TMEM45B: variants seen among roughly 807,000 people sequenced by gnomAD.
The protein encoded by TMEM45B is transmembrane protein 45B.
TMEM45B carries 29 observed loss-of-function variants against 27.3 expected under a neutral mutation model. That is an observed-to-expected ratio of 1.06 (90% CI 0.79 to 1.45). The LOEUF is 1.45. Among genes scored for constraint, TMEM45B ranks in the 40% most tolerant of loss-of-function variants. The probability of loss-of-function intolerance (pLI) is 0.00; values close to 1 mark genes in which losing one functional copy is unlikely to be tolerated. For synonymous variants in TMEM45B, 143 were observed against 134.7 expected, an observed-to-expected ratio of 1.06 and a Z score of -0.43; for missense variants, 348 against 343.9, an observed-to-expected ratio of 1.01 and a Z score of -0.09.
chr11:129,824,578 T>C (rs4937463), intron 1 of TMEM45B, among the ~76,000 whole-genome samples: 48,932 of 151,978 alleles, frequency 0.32, 7,977 homozygotes, highest in South Asian at 0.35. Context: ...AATGGCTAGA[T>C]TTAGGAGATG....
chr11:129,855,064 CAGG>C (rs1423802053), intron 3 of TMEM45B, among the ~76,000 whole-genome samples: 1 of 152,216 alleles, frequency 6.6e-6, no homozygotes, highest in Non-Finnish European at 1.5e-5. Context: ...GCTAACACTG[CAGG>C]AGTCCTCCTC....
Position 129,858,674 on chromosome 11 carries a change from G to A in TMEM45B, c.817G>A (p.Asp273Asn). Residue 273 changes from aspartate to asparagine, a missense_variant, in exon 6 of 6, where the codon GAT becomes AAT. Coordinates refer to ENST00000281441, the MANE Select transcript of TMEM45B (RefSeq NM_138788.5). The stretch of plus-strand genomic sequence containing the variant: ...CCAGACCGCCCTCTTGAGTGGCTCA[G>A]ATGAGGAATGAGCCGAGATGCGGAG... ...TYQTALLSGS[D>N]EE is the part of the protein sequence containing the mutation. The A allele has an allele frequency of 6.4e-7, 1 of 1,560,168 alleles. No homozygotes were observed. The highest frequency in any genetic ancestry group is 1.4e-5 in the African/African-American group (1 of 74,022).
chr11:129,856,279 T>C (rs1011825461), intron 4 of TMEM45B, among the ~76,000 whole-genome samples: 4 of 152,180 alleles, frequency 2.6e-5, no homozygotes, highest in Non-Finnish European at 4.4e-5. Flanking sequence ...TGGCGCAATC[T>C]TGGCTGACTG....
At chr11:129,838,209 G>T (rs1419556651) in intron 1 of TMEM45B, among the ~76,000 whole-genome samples, 1 of 152,072 alleles carries the variant, frequency 6.6e-6, no homozygotes, top group African/African-American at 2.4e-5. Flanking sequence ...AGCAGGCCTG[G>T]GTGAGAGCAG....
chr11:129,855,447 A>T (rs766260134), intron 3 of TMEM45B, among the ~76,000 whole-genome samples: 3 of 152,214 alleles, frequency 2.0e-5, no homozygotes, highest in Non-Finnish European at 4.4e-5. Context: ...AGTCTGTTAC[A>T]AATCAGCAAC....
At chr11:129,858,062 A>G (rs1421662269) in intron 5 of TMEM45B, among the ~76,000 whole-genome samples, 2 of 152,208 alleles carry the variant, frequency 1.3e-5, no homozygotes, top group Non-Finnish European at 1.5e-5. Flanking sequence ...GGCTTCAAAA[A>G]GCTGAGTAAC....
intron 1 of TMEM45B, among the ~76,000 whole-genome samples, chr11:129,833,657 C>G (rs1476512182): frequency 6.6e-6 from 1 of 152,082 alleles, no homozygotes; most frequent in Non-Finnish European, 1.5e-5. Flanking sequence ...CACCTGTAAT[C>G]CCAGCTACTC....
intron 1 of TMEM45B, among the ~76,000 whole-genome samples, chr11:129,817,470 A>T (rs184063270): frequency 5.8e-4 from 89 of 152,312 alleles, no homozygotes; most frequent in African/African-American, 1.9e-3. Flanking sequence ...CTGATTTTAC[A>T]AGTGGAGGTG....
chr11:129,841,584 G>GTTTTTTTTTTTTTT (rs1192996579), intron 1 of TMEM45B, among the ~76,000 whole-genome samples: 3 of 102,576 alleles, frequency 2.9e-5, no homozygotes, highest in African/African-American at 1.1e-4. Context: ...GTTTTCTTTT[G>GTTTTTTTTTTTTTT]TTTTTTTGTT....
intron 1 of TMEM45B, among the ~76,000 whole-genome samples, chr11:129,833,336 C>G (rs1358800328): frequency 6.6e-6 from 1 of 151,902 alleles, no homozygotes; most frequent in Non-Finnish European, 1.5e-5. Context: ...GAATTTTGTC[C>G]CCCCACCTCC....
intron 1 of TMEM45B, among the ~76,000 whole-genome samples, chr11:129,821,495 C>A (rs1278103534): frequency 6.6e-6 from 1 of 152,014 alleles, no homozygotes; most frequent in East Asian, 1.9e-4. Context: ...CAATTATGTA[C>A]AGTTTTTGTA....
chr11:129,821,376 A>C (rs1429908425), intron 1 of TMEM45B, among the ~76,000 whole-genome samples: 2 of 151,492 alleles, frequency 1.3e-5, no homozygotes, highest in Non-Finnish European at 2.9e-5. Context: ...AGAGTCTAGA[A>C]CCTCCACGGT....
At position 129,855,905 on chromosome 11, in the gene TMEM45B, A is replaced by G. The variant is rs773317053; in HGVS notation, c.570+13A>G. On this transcript the variant is annotated intron_variant, in intron 4 of 5. Coordinates refer to ENST00000281441, the MANE Select transcript of TMEM45B (RefSeq NM_138788.5). Reference sequence around the variant, plus strand: ...CTGGTTCTGGCAGGTGATTTTCCACACCCAGGCCCCTCGCTGGTCTGGATG... The same window carrying G: ...CTGGTTCTGGCAGGTGATTTTCCACGCCCAGGCCCCTCGCTGGTCTGGATG... The G allele has an allele frequency of 1.2e-6, 2 of 1,613,568 alleles. No homozygotes were observed. Among genetic ancestry groups the G allele is most frequent in the Non-Finnish European group, 1.7e-6 (2 of 1,179,728 alleles).
At chr11:129,841,670 C>T (rs1320808001) in intron 1 of TMEM45B, among the ~76,000 whole-genome samples, 2 of 149,074 alleles carry the variant, frequency 1.3e-5, no homozygotes, top group Non-Finnish European at 3.0e-5. Flanking sequence ...GATCTCAGCT[C>T]ACTGCAACTT....
intron 1 of TMEM45B, among the ~76,000 whole-genome samples, chr11:129,844,286 G>A (rs369842448): frequency 6.6e-6 from 1 of 152,152 alleles, no homozygotes; most frequent in Non-Finnish European, 1.5e-5. Flanking sequence ...TGTTACCAGG[G>A]TTCTGGAGCA....
intron 1 of TMEM45B, among the ~76,000 whole-genome samples, chr11:129,841,794 C>T (rs1387184213): frequency 5.3e-5 from 8 of 151,884 alleles, no homozygotes; most frequent in South Asian, 2.1e-4. Context: ...GATGGGGTTT[C>T]GCCATGTTTG....
At chr11:129,854,862 A>G (rs766219073) in intron 3 of TMEM45B, 46 bp downstream of exon 3, 10 of 1,587,476 alleles carry the variant, frequency 6.3e-6, no homozygotes, top group Middle Eastern at 1.7e-4. Flanking sequence ...CTGACAAGTC[A>G]TATTTATGAA....
At chr11:129,851,044 AAAG>A (rs1301074061) in intron 1 of TMEM45B, among the ~76,000 whole-genome samples, 8 of 152,342 alleles carry the variant, frequency 5.3e-5, no homozygotes, top group Non-Finnish European at 1.0e-4. Context: ...GGTAATTTAT[AAAG>A]AACAACAATT....
chr11:129,859,068 CTT>C lies in TMEM45B; in HGVS notation c.*384_*385del, dbSNP rs911600085. The C allele has an allele frequency of 6.5e-6, 1 of 153,304 alleles. No individual in the cohort carries two copies. Among genetic ancestry groups the C allele is most frequent in the African/African-American group, 2.4e-5 (1 of 41,490 alleles). 9.5% of individuals were successfully genotyped at this position (153,304 alleles called of 1,614,324 possible). A position where few individuals can be genotyped will look rare whatever the true frequency, so the allele number is the denominator to read the frequency against. On this transcript the variant is annotated 3_prime_UTR_variant, in exon 6 of 6. Coordinates refer to ENST00000281441, the MANE Select transcript of TMEM45B (RefSeq NM_138788.5). ...CAGGAGAACGTGCTGCTTTTGGTAA[CTT>C]ATCCCTTTTTCTCTTAAGAAAGCAG...
Sources: allele counts gnomAD v4.1 joint callset (sites outside exome capture counted in the v4.1 genomes callset), GRCh38; gene constraint gnomAD v4.1.1; transcripts MANE v1.5; gene names NCBI Gene and HGNC (gene_info 2026-07-23, HGNC 2026-07-21).